RBFOX1: variants seen among roughly 807,000 people sequenced by gnomAD.
RBFOX1 encodes the protein RNA binding protein fox-1 homolog 1.
A neutral mutation model predicts 57.7 loss-of-function variants in RBFOX1; 8 were observed. The ratio of observed to expected loss-of-function variants is 0.14; its 90% CI spans 0.08 to 0.25. The LOEUF is 0.25. RBFOX1 is among the 10% of genes least tolerant of loss of function. The pLI is 1.00. For synonymous variants in RBFOX1, 326 were observed against 222.4 expected (o/e 1.47, Z -4.15); for missense variants, 611 against 548.5 (o/e 1.11, Z -1.14).
intron 1 of RBFOX1, among the ~76,000 whole-genome samples, chr16:6,168,411 G>A (rs1346123524): frequency 6.6e-6 from 1 of 152,076 alleles, no homozygotes; most frequent in Non-Finnish European, 1.5e-5. Context: ...GTAGAGCCAG[G>A]CAAGCTCACA....
intron 3 of RBFOX1, among the ~76,000 whole-genome samples, chr16:7,030,125 A>T (rs1023036869): frequency 2.6e-5 from 4 of 152,138 alleles, no homozygotes; most frequent in Non-Finnish European, 5.9e-5. Flanking sequence ...TTGGCCCATA[A>T]CCCTGGTGGT....
At chr16:6,957,376 C>T (rs1255636039) in intron 3 of RBFOX1, among the ~76,000 whole-genome samples, 1 of 150,520 alleles carries the variant, frequency 6.6e-6, no homozygotes, top group Non-Finnish European at 1.5e-5. Context: ...CGTGATCTGC[C>T]TCCCAATGTG....
intron 14 of RBFOX1, among the ~76,000 whole-genome samples, chr16:7,704,756 A>G (rs60260948): frequency 0.039 from 5,948 of 152,290 alleles, 311 homozygotes; most frequent in East Asian, 0.22. Flanking sequence ...GCCCTTAAAA[A>G]TAAGAGCAGT....
At chr16:7,506,635 CT>C (rs1200361454) in intron 4 of RBFOX1, among the ~76,000 whole-genome samples, 1 of 152,138 alleles carries the variant, frequency 6.6e-6, no homozygotes, top group East Asian at 1.9e-4. Context: ...CTTTTATCTT[CT>C]TATGGATTCA....
chr16:6,688,674 ACATGTGCAG>A (rs2059788782), intron 3 of RBFOX1, among the ~76,000 whole-genome samples: 1 of 152,168 alleles, frequency 6.6e-6, no homozygotes, highest in Admixed American at 6.5e-5. Context: ...GTTCTGGGAT[ACATGTGCAG>A]CATGTGCAGG....
intron 4 of RBFOX1, among the ~76,000 whole-genome samples, chr16:5,962,238 C>A (rs993457581): frequency 2.0e-5 from 3 of 152,170 alleles, no homozygotes; most frequent in Non-Finnish European, 4.4e-5. Context: ...TTGGCAAGAT[C>A]CACTTCTCAT....
intron 4 of RBFOX1, among the ~76,000 whole-genome samples, chr16:7,095,780 C>T (rs1022437787): frequency 5.3e-5 from 8 of 151,922 alleles, no homozygotes; most frequent in African/African-American, 1.5e-4. Context: ...CCCAGCACTT[C>T]GGGAGACCGA....
intron 3 of RBFOX1, among the ~76,000 whole-genome samples, chr16:6,749,473 C>G (rs1427170507): frequency 2.0e-5 from 3 of 152,128 alleles, no homozygotes; most frequent in Non-Finnish European, 4.4e-5. Flanking sequence ...GGAGGTAGGA[C>G]TCATGTTTTC....
chr16:7,333,892 C>T (rs578214942), intron 4 of RBFOX1, among the ~76,000 whole-genome samples: 2 of 152,196 alleles, frequency 1.3e-5, no homozygotes, highest in African/African-American at 4.8e-5. Context: ...CATAGAAATC[C>T]AAGGTGGCTT....
chr16:5,579,406 G>C (rs1049051908), intron 2 of RBFOX1, among the ~76,000 whole-genome samples: 1 of 151,940 alleles, frequency 6.6e-6, no homozygotes, highest in Non-Finnish European at 1.5e-5. Flanking sequence ...CTTGATTCTG[G>C]GATTCCGCTT....
At chr16:6,351,460 A>G (rs181403128) in intron 2 of RBFOX1, among the ~76,000 whole-genome samples, 6 of 145,392 alleles carry the variant, frequency 4.1e-5, no homozygotes, top group Non-Finnish European at 1.5e-5. Flanking sequence ...TGCAACCTCT[A>G]TCTCCCAGGT....
intron 1 of RBFOX1, among the ~76,000 whole-genome samples, chr16:6,272,501 A>G (rs532811890): frequency 6.6e-6 from 1 of 152,190 alleles, no homozygotes; most frequent in African/African-American, 2.4e-5. Context: ...TAGTAAAGAC[A>G]TTGATTCTCC....
intron 4 of RBFOX1, among the ~76,000 whole-genome samples, chr16:7,485,461 G>A (rs962773807): frequency 1.3e-5 from 2 of 152,174 alleles, no homozygotes; most frequent in Non-Finnish European, 2.9e-5. Flanking sequence ...CCAGCTGAAT[G>A]CTTCAACCTC....
chr16:5,589,638 C>T (rs1475836099), intron 2 of RBFOX1, among the ~76,000 whole-genome samples: 1 of 152,192 alleles, frequency 6.6e-6, no homozygotes, highest in East Asian at 1.9e-4. Context: ...TAGGCCAGTT[C>T]TCCAGGATGT....
At chr16:5,838,270 C>A (rs149642043) in intron 3 of RBFOX1, 9 of 227,708 alleles carry the variant, frequency 4.0e-5, no homozygotes, top group Non-Finnish European at 5.6e-5. Context: ...GTGACAACAG[C>A]TCCTGAGGTA....
chr16:6,308,748 A>G (rs2079859808), intron 1 of RBFOX1, among the ~76,000 whole-genome samples: 1 of 152,218 alleles, frequency 6.6e-6, no homozygotes, highest in Non-Finnish European at 1.5e-5. Context: ...ACCAGGTATC[A>G]GGAGTTGTGG....
At chr16:7,101,266 A>C (rs2062643696) in intron 4 of RBFOX1, among the ~76,000 whole-genome samples, 1 of 152,182 alleles carries the variant, frequency 6.6e-6, no homozygotes, top group Non-Finnish European at 1.5e-5. Flanking sequence ...GAGTGAGTGC[A>C]GTGCCAGCTC....
chr16:6,735,637 C>G (rs1020007333), intron 3 of RBFOX1, among the ~76,000 whole-genome samples: 2 of 152,138 alleles, frequency 1.3e-5, no homozygotes, highest in African/African-American at 2.4e-5. Flanking sequence ...AACATTGGAT[C>G]GATCACAAAA....
intron 1 of RBFOX1, among the ~76,000 whole-genome samples, chr16:5,251,553 A>C (rs1323469108): frequency 6.6e-6 from 1 of 152,220 alleles, no homozygotes; most frequent in Non-Finnish European, 1.5e-5. Context: ...GCAGAAACAG[A>C]GGAAAGAAGT....
Sources: allele counts gnomAD v4.1 joint callset (sites outside exome capture counted in the v4.1 genomes callset), GRCh38; gene constraint gnomAD v4.1.1; transcripts MANE v1.5; gene names NCBI Gene and HGNC (gene_info 2026-07-23, HGNC 2026-07-21).